DOK6: variants seen among roughly 807,000 people sequenced by gnomAD.
The protein encoded by DOK6 is docking protein 6.
DOK6 carries 22 observed loss-of-function variants against 44.0 expected under a neutral mutation model. That is an observed-to-expected ratio of 0.50 (90% CI 0.36 to 0.71). The LOEUF is 0.71. Ranked by LOEUF, DOK6 falls within the 30% of genes least tolerant of loss-of-function variation. DOK6 has a pLI of 0.00. For synonymous variants in DOK6, 166 were observed against 145.5 expected (o/e 1.14, Z -1.01); for missense variants, 340 against 416.4 (o/e 0.82, Z 1.60).
intron 1 of DOK6, among the ~76,000 whole-genome samples, chr18:69,464,700 C>A (rs559323178): frequency 5.9e-5 from 9 of 152,264 alleles, no homozygotes; most frequent in East Asian, 1.9e-4. Flanking sequence ...CTGCAATTTG[C>A]GCTAATTGTG....
At chr18:69,675,844 C>T (rs1011847480) in intron 3 of DOK6, among the ~76,000 whole-genome samples, 13 of 152,060 alleles carry the variant, frequency 8.5e-5, no homozygotes, top group Admixed American at 3.9e-4. Context: ...AATAAAAGTA[C>T]GTTCAATATA....
At chr18:69,572,415 T>C (rs1250626433) in intron 2 of DOK6, among the ~76,000 whole-genome samples, 2 of 152,074 alleles carry the variant, frequency 1.3e-5, no homozygotes, top group Non-Finnish European at 2.9e-5. Context: ...TTACTTCATA[T>C]ATGTTAAATT....
At chr18:69,824,931 G>C (rs1490189379) in intron 7 of DOK6, among the ~76,000 whole-genome samples, 1 of 152,126 alleles carries the variant, frequency 6.6e-6, no homozygotes, top group African/African-American at 2.4e-5. Flanking sequence ...AACTTCAACT[G>C]CTTTTGTACT....
At chr18:69,407,591 G>A (rs1169654675) in intron 1 of DOK6, among the ~76,000 whole-genome samples, 3 of 152,102 alleles carry the variant, frequency 2.0e-5, no homozygotes, top group African/African-American at 7.2e-5. Context: ...ATACAGAGCA[G>A]TATTATCCTC....
chr18:69,812,212 T>A (rs1480636720), intron 7 of DOK6, among the ~76,000 whole-genome samples: 1 of 152,140 alleles, frequency 6.6e-6, no homozygotes, highest in Admixed American at 6.6e-5. Context: ...AGTAATTTCA[T>A]GTTTGTTGTT....
chr18:69,621,276 G>A (rs1984432908), intron 3 of DOK6, among the ~76,000 whole-genome samples: 1 of 152,124 alleles, frequency 6.6e-6, no homozygotes, highest in Non-Finnish European at 1.5e-5. Flanking sequence ...ATTTTTTAAA[G>A]GGTAATTATA....
At chr18:69,500,025 T>A (rs1981003192) in intron 1 of DOK6, among the ~76,000 whole-genome samples, 1 of 152,170 alleles carries the variant, frequency 6.6e-6, no homozygotes, top group Non-Finnish European at 1.5e-5. Flanking sequence ...TTAGTACCAA[T>A]CTGACTTCCT....
rs183721048 is a variant in DOK6 at position 69,833,976 on chromosome 18, T to C, written c.857-7268T>C. Among the ~76,000 whole-genome samples, 389 of 152,266 alleles carry C rather than the reference T, an allele frequency of 2.6e-3. 2 individuals are homozygous for C. Among genetic ancestry groups the C allele is most frequent in the Non-Finnish European group, 4.1e-3 (279 of 67,994 alleles). On this transcript the variant is annotated intron_variant, in intron 7 of 7. Transcript: ENST00000382713. ...TGGGAATATTAAGTAGTACAGCTAT[T>C]ATGGAAAATAAAATGGAGATTTCTC... is the stretch of plus-strand genomic sequence containing the variant.
At chr18:69,417,832 T>C (rs890841834) in intron 1 of DOK6, among the ~76,000 whole-genome samples, 1 of 152,194 alleles carries the variant, frequency 6.6e-6, no homozygotes, top group Non-Finnish European at 1.5e-5. Context: ...ATTTTTTTCA[T>C]ATACCTTTGA....
intron 1 of DOK6, among the ~76,000 whole-genome samples, chr18:69,520,940 T>C (rs1981667961): frequency 6.6e-6 from 1 of 151,904 alleles, no homozygotes; most frequent in African/African-American, 2.4e-5. Context: ...AATTCAACTG[T>C]GCATGTTTGT....
chr18:69,603,737 C>CTCCAG lies in DOK6; in HGVS notation c.289+4240_289+4244dup, dbSNP rs1983929429. 2.2e-5 allele frequency among the ~76,000 whole-genome samples: 3 copies of CTCCAG among 136,710 alleles called. No homozygotes were observed. The South Asian group carries it at 6.9e-4, about 32-fold the overall frequency. The allele number at this position is 136,710 out of a possible 152,430, so 89.7% of individuals were successfully genotyped here. On this transcript the variant is annotated intron_variant, in intron 3 of 7. Coordinates refer to ENST00000382713, the MANE Select transcript of DOK6 (RefSeq NM_152721.6). Reference sequence around the variant, plus strand: ...AGTGAGCCGAGATCGCGCCACTGCACTCCAGCCTGGGCGACAGAGCGAGAC... The same window carrying CTCCAG: ...AGTGAGCCGAGATCGCGCCACTGCACTCCAGTCCAGCCTGGGCGACAGAGCGAGAC...
chr18:69,437,000 G>T (rs1218337987), intron 1 of DOK6, among the ~76,000 whole-genome samples: 1 of 152,110 alleles, frequency 6.6e-6, no homozygotes, highest in Non-Finnish European at 1.5e-5. Flanking sequence ...TTTTGATGGG[G>T]TTGTATGTTT....
chr18:69,648,381 C>A (rs541496044), intron 3 of DOK6, among the ~76,000 whole-genome samples: 3 of 152,070 alleles, frequency 2.0e-5, no homozygotes, highest in African/African-American at 7.2e-5. Flanking sequence ...CCCTGAGTCA[C>A]GAATTTACCT....
rs71176987 is a variant in DOK6 at position 69,605,076 on chromosome 18, TTGTGTGTGTGTGTGTG to T, written c.289+5614_289+5629del. Among the ~76,000 whole-genome samples, 173 of 125,856 alleles carry T rather than the reference TTGTGTGTGTGTGTGTG, an allele frequency of 1.4e-3. No homozygotes were observed. The East Asian group carries it at 0.016, about 12-fold the overall frequency. 82.6% of individuals were successfully genotyped at this position (125,856 alleles called of 152,430 possible). A position where few individuals can be genotyped will look rare whatever the true frequency, so the allele number is the denominator to read the frequency against. On this transcript the variant is annotated intron_variant, in intron 3 of 7. Coordinates refer to ENST00000382713, the MANE Select transcript of DOK6 (RefSeq NM_152721.6). Reference sequence around the variant, plus strand: ...GAGACCCCTGTTAGGAGAGATCCCTTTGTGTGTGTGTGTGTGTGTGTGTGTGTGTGTGTGTGTGTGT... The same window carrying T: ...GAGACCCCTGTTAGGAGAGATCCCTTTGTGTGTGTGTGTGTGTGTGTGTGT...
intron 7 of DOK6, among the ~76,000 whole-genome samples, chr18:69,798,908 T>C (rs898770001): frequency 2.6e-5 from 4 of 152,048 alleles, no homozygotes; most frequent in Admixed American, 1.3e-4. Context: ...ACCAACTTCA[T>C]TGGAATCCTC....
intron 7 of DOK6, among the ~76,000 whole-genome samples, chr18:69,827,617 T>G (rs1207343997): frequency 1.3e-5 from 2 of 152,010 alleles, no homozygotes; most frequent in Non-Finnish European, 2.9e-5. Context: ...TCAAAAGCCC[T>G]TGGACTAAAT....
intron 3 of DOK6, among the ~76,000 whole-genome samples, chr18:69,667,020 C>T (rs1985678118): frequency 6.6e-6 from 1 of 152,210 alleles, no homozygotes; most frequent in African/African-American, 2.4e-5. Context: ...CCCAACCTCC[C>T]TTTAGTTCTC....
chr18:69,581,948 A>G (rs1409877765), intron 2 of DOK6, among the ~76,000 whole-genome samples: 2 of 152,224 alleles, frequency 1.3e-5, no homozygotes, highest in African/African-American at 4.8e-5. Context: ...GGATAGCCAG[A>G]TGGGCCTGAC....
chr18:69,796,474 T>C (rs1980748460), intron 7 of DOK6, among the ~76,000 whole-genome samples: 1 of 152,148 alleles, frequency 6.6e-6, no homozygotes, highest in Non-Finnish European at 1.5e-5. Context: ...TCTAAGAACA[T>C]GAGACAGCAG....
Sources: allele counts gnomAD v4.1 joint callset (sites outside exome capture counted in the v4.1 genomes callset), GRCh38; gene constraint gnomAD v4.1.1; transcripts MANE v1.5; gene names NCBI Gene and HGNC (gene_info 2026-07-23, HGNC 2026-07-21).